The following TENM4 variants were observed in gnomAD, a reference collection of about 807,000 sequenced individuals.
TENM4 encodes the protein teneurin-4.
In TENM4, 82 loss-of-function variants were observed where a neutral mutation model predicts 243.3. The ratio of observed to expected loss-of-function variants is 0.34; its 90% CI spans 0.28 to 0.40. The LOEUF (loss-of-function observed/expected upper bound fraction) is 0.40, where lower values mean the gene tolerates loss of function less well. Among genes scored for constraint, TENM4 ranks in the 10% least tolerant of loss-of-function variants. The probability of loss-of-function intolerance (pLI) is 1.00; values close to 1 mark genes in which losing one functional copy is unlikely to be tolerated. For synonymous variants in TENM4, 1,412 were observed against 1,456.3 expected, an observed-to-expected ratio of 0.97 and a Z score of 0.69; for missense variants, 3,138 against 3,673.3, an observed-to-expected ratio of 0.85 and a Z score of 3.77.
intron 19 of TENM4, among the ~76,000 whole-genome samples, chr11:78,750,795 CTTA>C (rs1416596107): frequency 6.6e-6 from 1 of 152,040 alleles, no homozygotes; most frequent in Non-Finnish European, 1.5e-5. Flanking sequence ...GAGATATCTT[CTTA>C]TTCCACACCT....
At chr11:79,391,348 T>C (rs1858228762) in intron 1 of TENM4, among the ~76,000 whole-genome samples, 1 of 152,092 alleles carries the variant, frequency 6.6e-6, no homozygotes, top group Non-Finnish European at 1.5e-5. Context: ...ACTCACCCAA[T>C]GTTTCTCAGT....
intron 2 of TENM4, among the ~76,000 whole-genome samples, chr11:79,231,016 C>A (rs915629065): frequency 5.3e-5 from 8 of 152,152 alleles, no homozygotes; most frequent in Non-Finnish European, 1.0e-4. Flanking sequence ...CTGGGGAAAC[C>A]CACTTCCAAC....
At chr11:79,195,473 C>T (rs530000068) in intron 3 of TENM4, among the ~76,000 whole-genome samples, 1 of 152,282 alleles carries the variant, frequency 6.6e-6, no homozygotes, top group South Asian at 2.1e-4. Flanking sequence ...TGGAGTTGCC[C>T]AAGACCATGG....
At chr11:78,928,588 A>G (rs1311878126) in intron 6 of TENM4, among the ~76,000 whole-genome samples, 1 of 152,248 alleles carries the variant, frequency 6.6e-6, no homozygotes, top group African/African-American at 2.4e-5. Context: ...CTTTAGAATC[A>G]GATCCACATA....
intron 4 of TENM4, among the ~76,000 whole-genome samples, chr11:79,118,900 T>C (rs1861677360): frequency 6.6e-6 from 1 of 152,242 alleles, no homozygotes; most frequent in Non-Finnish European, 1.5e-5. Flanking sequence ...GACCCTGCTT[T>C]TAATTCTTTT....
intron 4 of TENM4, chr11:79,096,928 GCACA>G (rs375036597): frequency 0.02 from 2,742 of 133,868 alleles, 58 homozygotes; most frequent in African/African-American, 0.055. Context: ...GCGCGCGCGC[GCACA>G]CACACACACA....
intron 10 of TENM4, among the ~76,000 whole-genome samples, chr11:78,857,050 C>G (rs1858697515): frequency 6.6e-6 from 1 of 151,814 alleles, no homozygotes; most frequent in Non-Finnish European, 1.5e-5. Context: ...CAAACTCCTT[C>G]TATTTAGTAA....
At chr11:79,007,520 C>T (rs1858521044) in intron 6 of TENM4, among the ~76,000 whole-genome samples, 2 of 152,094 alleles carry the variant, frequency 1.3e-5, no homozygotes, top group Non-Finnish European at 2.9e-5. Flanking sequence ...AAGCGGTATG[C>T]AGGCAATGGA....
At chr11:79,304,344 C>G (rs1219309292) in intron 1 of TENM4, among the ~76,000 whole-genome samples, 1 of 152,202 alleles carries the variant, frequency 6.6e-6, no homozygotes, top group Non-Finnish European at 1.5e-5. Context: ...AGTATCTACT[C>G]TTGAGGTGCG....
At chr11:78,989,215 A>G (rs671141) in intron 6 of TENM4, among the ~76,000 whole-genome samples, 146,633 of 152,336 alleles carry the variant, frequency 0.96, 70,725 homozygotes, top group Non-Finnish European at 1. Flanking sequence ...CGTTATTATT[A>G]TTATGTTCTA....
chr11:79,212,108 A>G (rs1483605125), intron 3 of TENM4, among the ~76,000 whole-genome samples: 1 of 152,246 alleles, frequency 6.6e-6, no homozygotes, highest in Non-Finnish European at 1.5e-5. Flanking sequence ...CCATAACTCT[A>G]ATGTGAACTT....
intron 2 of TENM4, among the ~76,000 whole-genome samples, chr11:79,243,060 T>G (rs1313543571): frequency 6.6e-6 from 1 of 152,112 alleles, no homozygotes; most frequent in Non-Finnish European, 1.5e-5. Context: ...TGGATTTCCA[T>G]CCCCCTTTCT....
chr11:78,840,117 C>T (rs949199992), intron 12 of TENM4, among the ~76,000 whole-genome samples: 1 of 152,182 alleles, frequency 6.6e-6, no homozygotes, highest in African/African-American at 2.4e-5. Context: ...TCCTCCATCA[C>T]TTAAAAGAAA....
At chr11:79,333,714 C>T (rs1021447304) in intron 1 of TENM4, among the ~76,000 whole-genome samples, 9 of 152,194 alleles carry the variant, frequency 5.9e-5, no homozygotes, top group Non-Finnish European at 1.2e-4. Context: ...GAAACTACAC[C>T]TAATATCTAT....
At chr11:78,675,037 T>A (rs1858431033) in intron 30 of TENM4, among the ~76,000 whole-genome samples, 1 of 152,030 alleles carries the variant, frequency 6.6e-6, no homozygotes, top group African/African-American at 2.4e-5. Context: ...AGCTAATTTT[T>A]TGTATTTTTA....
At chr11:78,805,571 T>C in intron 14 of TENM4, 79 bp from the exon 15 acceptor site, 1 of 1,504,726 alleles carries the variant, frequency 6.6e-7, no homozygotes. Flanking sequence ...CTACTTAGCT[T>C]TGTGGCCAAG....
chr11:78,888,249 T>C (rs140031117), intron 9 of TENM4, among the ~76,000 whole-genome samples: 114 of 152,374 alleles, frequency 7.5e-4, no homozygotes, highest in South Asian at 5.6e-3. Flanking sequence ...CAATCACAGA[T>C]AGTCTCTTAC....
At chr11:79,195,220 T>G (rs1863598883) in intron 3 of TENM4, among the ~76,000 whole-genome samples, 1 of 152,188 alleles carries the variant, frequency 6.6e-6, no homozygotes, top group African/African-American at 2.4e-5. Context: ...GGAGTGGGGC[T>G]TTCATGGAGA....
At chr11:79,350,784 C>T (rs1490434692) in intron 1 of TENM4, among the ~76,000 whole-genome samples, 1 of 152,064 alleles carries the variant, frequency 6.6e-6, no homozygotes, top group Non-Finnish European at 1.5e-5. Flanking sequence ...TGCTCCTGCT[C>T]CCAACTACCA....
Sources: gnomAD v4.1 joint callset for allele counts (sites outside exome capture counted in the v4.1 genomes callset) on GRCh38, gnomAD v4.1.1 for gene constraint, MANE v1.5 for transcripts, NCBI Gene and HGNC (gene_info 2026-07-23, HGNC 2026-07-21) for gene names.